The following ANK2 variants were observed in gnomAD, a reference collection of about 807,000 sequenced individuals.
ANK2 encodes the protein ankyrin 2.
A neutral mutation model predicts 360.5 loss-of-function variants in ANK2; 83 were observed. The observed-to-expected ratio is 0.23, with a 90% CI of 0.19 to 0.28. The LOEUF is 0.28. ANK2 is among the 10% of genes least tolerant of loss of function. ANK2 has a pLI of 1.00. For synonymous variants in ANK2, 1,740 were observed against 1,759.5 expected, an observed-to-expected ratio of 0.99 and a Z score of 0.28; for missense variants, 4,201 against 4,795.7, an observed-to-expected ratio of 0.88 and a Z score of 3.66.
chr4:112,934,228 T>G (rs1050793649), intron 2 of ANK2, among the ~76,000 whole-genome samples: 2 of 152,208 alleles, frequency 1.3e-5, no homozygotes, highest in African/African-American at 4.8e-5. Flanking sequence ...AGAATTTAAG[T>G]GTCTTGTAAA....
At chr4:113,363,753 T>A (rs1285276137) in intron 40 of ANK2, among the ~76,000 whole-genome samples, 1 of 152,168 alleles carries the variant, frequency 6.6e-6, no homozygotes, top group Admixed American at 6.5e-5. Flanking sequence ...ATCCCAAAGA[T>A]GTGCACATCA....
At chr4:113,000,579 C>T (rs973428149) in intron 2 of ANK2, among the ~76,000 whole-genome samples, 1 of 151,796 alleles carries the variant, frequency 6.6e-6, no homozygotes, top group African/African-American at 2.4e-5. Context: ...GAAGATAATC[C>T]GGTAAGTGAG....
chr4:112,727,643 T>C, the ANK2 span, among the ~76,000 whole-genome samples: 5 of 152,058 alleles, frequency 3.3e-5, no homozygotes, highest in East Asian at 9.6e-4. Context: ...AAAATCAGAA[T>C]GAAAGAGAAG....
the ANK2 span, among the ~76,000 whole-genome samples, chr4:112,758,928 G>A: frequency 6.6e-6 from 1 of 152,048 alleles, no homozygotes; most frequent in African/African-American, 2.4e-5. Context: ...GGAGAATTTC[G>A]AATCACATAG....
At chr4:113,268,793 CTG>C (rs956668601) in intron 14 of ANK2, among the ~76,000 whole-genome samples, 20 of 152,206 alleles carry the variant, frequency 1.3e-4, no homozygotes, top group African/African-American at 4.3e-4. Flanking sequence ...CTCTCTTTTT[CTG>C]TTGTTTGGAA....
At chr4:112,710,352 A>G in the ANK2 span, among the ~76,000 whole-genome samples, 4 of 152,208 alleles carry the variant, frequency 2.6e-5, no homozygotes, top group African/African-American at 7.2e-5. Context: ...GGATTTAACT[A>G]TAGTATTTAC....
chr4:112,747,363 C>G, the ANK2 span, among the ~76,000 whole-genome samples: 1 of 152,208 alleles, frequency 6.6e-6, no homozygotes, highest in African/African-American at 2.4e-5. Flanking sequence ...AGGCTGAGAT[C>G]TCCAAAGCCT....
At chr4:112,952,426 C>G (rs1225549713) in intron 2 of ANK2, among the ~76,000 whole-genome samples, 2 of 152,146 alleles carry the variant, frequency 1.3e-5, no homozygotes, top group Non-Finnish European at 2.9e-5. Flanking sequence ...TGAGCAAATG[C>G]CACACCACTG....
At chr4:112,944,996 A>G (rs1306766450) in intron 2 of ANK2, among the ~76,000 whole-genome samples, 2 of 152,244 alleles carry the variant, frequency 1.3e-5, no homozygotes, top group Non-Finnish European at 2.9e-5. Flanking sequence ...GCAACTGTGT[A>G]TCAGTTAGAA....
intron 33 of ANK2, 82 bp from the exon 34 acceptor site, chr4:113,342,935 C>T (rs2153982594): frequency 6.4e-7 from 1 of 1,551,542 alleles, no homozygotes; most frequent in Non-Finnish European, 8.9e-7. Context: ...TTTGAAGTTC[C>T]AAGTAGTACT....
At chr4:112,851,275 C>T (rs1018942266) in intron 1 of ANK2, among the ~76,000 whole-genome samples, 1 of 152,230 alleles carries the variant, frequency 6.6e-6, no homozygotes, top group African/African-American at 2.4e-5. Flanking sequence ...CCAAAGATAA[C>T]GAGGAGAGGA....
intron 1 of ANK2, among the ~76,000 whole-genome samples, chr4:113,170,350 G>A (rs1381693601): frequency 6.6e-6 from 1 of 152,190 alleles, no homozygotes; most frequent in African/African-American, 2.4e-5. Context: ...GGCTCGTCAT[G>A]TCCTGCCATG....
chr4:113,168,032 G>A (rs1298068840), intron 1 of ANK2, among the ~76,000 whole-genome samples: 1 of 152,086 alleles, frequency 6.6e-6, no homozygotes, highest in Non-Finnish European at 1.5e-5. Context: ...ACACAACCTT[G>A]CAAAATAATC....
intron 1 of ANK2, among the ~76,000 whole-genome samples, chr4:112,849,166 A>T (rs546041914): frequency 7.2e-4 from 109 of 152,378 alleles, no homozygotes; most frequent in African/African-American, 2.4e-3. Context: ...TCAAGCATTC[A>T]GAGTTGACAA....
chr4:112,999,986 T>C (rs565457713), intron 2 of ANK2, among the ~76,000 whole-genome samples: 1 of 152,294 alleles, frequency 6.6e-6, no homozygotes, highest in East Asian at 1.9e-4. Flanking sequence ...ATGTAACTCA[T>C]GAAAGACAGA....
chr4:113,309,021 A>G (rs960982461), intron 23 of ANK2, among the ~76,000 whole-genome samples: 5 of 152,172 alleles, frequency 3.3e-5, no homozygotes, highest in African/African-American at 1.2e-4. Context: ...TGTATGCAGA[A>G]TTTTCCAGTT....
chr4:112,736,975 T>A, the ANK2 span, among the ~76,000 whole-genome samples: 1 of 152,212 alleles, frequency 6.6e-6, no homozygotes, highest in Non-Finnish European at 1.5e-5. Flanking sequence ...GTGGTGGTAG[T>A]GGTGGCTTTT....
At chr4:113,218,293 A>G (rs192260122) in intron 4 of ANK2, among the ~76,000 whole-genome samples, 6 of 152,304 alleles carry the variant, frequency 3.9e-5, no homozygotes, top group African/African-American at 1.4e-4. Flanking sequence ...CACAGCAACT[A>G]TTTTAGAATC....
At chr4:112,769,258 T>C in the ANK2 span, among the ~76,000 whole-genome samples, 1 of 152,184 alleles carries the variant, frequency 6.6e-6, no homozygotes, top group Non-Finnish European at 1.5e-5. Flanking sequence ...CTAAAAGAGA[T>C]TGGAAAGACT....
Sources: allele counts gnomAD v4.1 joint callset (sites outside exome capture counted in the v4.1 genomes callset), GRCh38; gene constraint gnomAD v4.1.1; transcripts MANE v1.5; gene names NCBI Gene and HGNC (gene_info 2026-07-23, HGNC 2026-07-21).